Variants in UIMC1 observed in about 807,000 individuals in gnomAD.
UIMC1 encodes BRCA1-A complex subunit RAP80.
UIMC1 carries 42 observed loss-of-function variants against 84.9 expected under a neutral mutation model. The ratio of observed to expected loss-of-function variants is 0.49; its 90% confidence interval spans 0.39 to 0.64. The LOEUF is 0.64. Ranked by LOEUF, UIMC1 falls within the 30% of genes least tolerant of loss-of-function variation. The pLI, the probability that UIMC1 is intolerant of heterozygous loss-of-function variation, is 0.00. For missense variants in UIMC1, 825 were observed against 847.6 expected, an observed-to-expected ratio of 0.97 and a Z score of 0.33; for synonymous variants, 281 against 293.0, an observed-to-expected ratio of 0.96 and a Z score of 0.42.
chr5:176,944,630 G>A (rs552937652), intron 9 of UIMC1, among the ~76,000 whole-genome samples: 2 of 152,230 alleles, frequency 1.3e-5, no homozygotes, highest in East Asian at 3.9e-4. Flanking sequence ...AACAAAACAC[G>A]ACCAAAACTT....
chr5:176,976,170 A>AT (rs201886363), intron 2 of UIMC1, among the ~76,000 whole-genome samples: 1,629 of 151,924 alleles, frequency 0.011, 9 homozygotes, highest in South Asian at 0.025. Context: ...ATTAAAAAGA[A>AT]TTTTTTTTAA....
intron 10 of UIMC1, among the ~76,000 whole-genome samples, chr5:176,938,543 T>G (rs1371562004): frequency 6.6e-6 from 1 of 152,182 alleles, no homozygotes; most frequent in Non-Finnish European, 1.5e-5. Context: ...GTAGAATGGT[T>G]CCAGTGAGGG....
rs1554106263 is a variant in UIMC1 at position 176,914,039 on chromosome 5, C to CCAT, written c.1598-2651_1598-2650insATG. On this transcript the variant is annotated intron_variant, in intron 10 of 14. Transcript: ENST00000511320. ...ATACCATACACCATACCATACCATA[C>CCAT]ACCATACCATACCATACCATACCAT... is the stretch of plus-strand genomic sequence containing the variant. 9.4e-3 allele frequency among the ~76,000 whole-genome samples: 1,321 copies of CCAT among 139,950 alleles called. 9 individuals carry two copies. The highest frequency in any genetic ancestry group is 0.022 in the South Asian group (96 of 4,350). The allele number at this position is 139,950 out of a possible 152,430, so 91.8% of individuals were successfully genotyped here. A position where few individuals can be genotyped will look rare whatever the true frequency, so the allele number is the denominator to read the frequency against.
At chr5:176,950,362 T>C (rs1765709900) in intron 9 of UIMC1, among the ~76,000 whole-genome samples, 1 of 151,194 alleles carries the variant, frequency 6.6e-6, no homozygotes, top group African/African-American at 2.4e-5. Flanking sequence ...CCTCCCAAAG[T>C]GCTCGGATTA....
intron 2 of UIMC1, among the ~76,000 whole-genome samples, chr5:176,978,238 T>C (rs903243920): frequency 1.3e-4 from 20 of 152,054 alleles, no homozygotes; most frequent in Admixed American, 1.2e-3. Flanking sequence ...CCAGGCGTGG[T>C]GGCAGGCGCC....
intron 1 of UIMC1, among the ~76,000 whole-genome samples, chr5:176,992,625 T>C (rs995104756): frequency 6.6e-6 from 1 of 150,770 alleles, no homozygotes; most frequent in Non-Finnish European, 1.5e-5. Context: ...AGCAAGGCCT[T>C]GTCTCTATAA....
intron 12 of UIMC1, 99 bp downstream of exon 12, chr5:176,908,424 G>T (rs1194937325): frequency 8.3e-7 from 1 of 1,197,608 alleles, no homozygotes; most frequent in African/African-American, 1.5e-5. Flanking sequence ...AGAGGGAAGA[G>T]GGGAGGGAGA....
intron 7 of UIMC1, among the ~76,000 whole-genome samples, chr5:176,956,246 T>C (rs1344302966): frequency 2.6e-5 from 4 of 152,190 alleles, no homozygotes; most frequent in African/African-American, 9.7e-5. Flanking sequence ...TCAGTTCCAG[T>C]GAAATCACTG....
chr5:176,970,316 T>A, intron 4 of UIMC1: 1 of 192,624 alleles, frequency 5.2e-6, no homozygotes, highest in Non-Finnish European at 1.1e-5. Context: ...CATATTCAAA[T>A]GACAATTTAA....
chr5:176,942,735 G>C (rs1239605083), intron 10 of UIMC1, among the ~76,000 whole-genome samples: 8 of 126,094 alleles, frequency 6.3e-5, no homozygotes, highest in Non-Finnish European at 1.3e-4. Flanking sequence ...GACAGAGCGA[G>C]ACTCCGTCTT....
intron 1 of UIMC1, among the ~76,000 whole-genome samples, chr5:177,016,291 G>A (rs1188571361): frequency 2.6e-5 from 4 of 152,074 alleles, no homozygotes; most frequent in Non-Finnish European, 5.9e-5. Context: ...TTGAACCTGG[G>A]AGGCAGAGGT....
At chr5:176,995,134 TATTA>T (rs752166369) in intron 1 of UIMC1, among the ~76,000 whole-genome samples, 7 of 152,134 alleles carry the variant, frequency 4.6e-5, no homozygotes, top group Non-Finnish European at 7.3e-5. Flanking sequence ...ATTCCACTAC[TATTA>T]ATTACTCAGT....
chr5:176,938,515 T>C (rs555077192), intron 10 of UIMC1, among the ~76,000 whole-genome samples: 1 of 152,244 alleles, frequency 6.6e-6, no homozygotes, highest in Admixed American at 6.5e-5. Flanking sequence ...CCCAGGAAAG[T>C]AGAGGAACAT....
At position 176,929,742 on chromosome 5, in the gene UIMC1, A is replaced by AAC. The variant is rs200892793; in HGVS notation, c.1597+13591_1597+13592dup. On this transcript the variant is annotated intron_variant, in intron 10 of 14. Coordinates refer to ENST00000511320, the MANE Select transcript of UIMC1 (RefSeq NM_001199298.2). ...TGAAATTTTTGGTAATTAAAAGTAA[A>AAC]ACACACACACACAAAGTCCTTTTGC... Among the ~76,000 whole-genome samples, 7 of 151,862 alleles carry AAC rather than the reference A, an allele frequency of 4.6e-5. No individual in the cohort carries two copies. The East Asian group carries it at 5.8e-4, about 13-fold the overall frequency.
intron 10 of UIMC1, among the ~76,000 whole-genome samples, chr5:176,914,100 A>G (rs1419521221): frequency 1.3e-5 from 2 of 152,122 alleles, no homozygotes; most frequent in Non-Finnish European, 2.9e-5. Context: ...ACCATACCAT[A>G]CAATGTTACC....
intron 10 of UIMC1, among the ~76,000 whole-genome samples, chr5:176,934,574 G>C (rs1763498005): frequency 6.6e-6 from 1 of 152,192 alleles, no homozygotes; most frequent in African/African-American, 2.4e-5. Flanking sequence ...GTGACGTGAG[G>C]AGAAAGAAAT....
chr5:177,003,913 C>T (rs1774902854), intron 1 of UIMC1, among the ~76,000 whole-genome samples: 1 of 152,164 alleles, frequency 6.6e-6, no homozygotes, highest in Non-Finnish European at 1.5e-5. Flanking sequence ...ACTGCAGCCT[C>T]GACTTCCCAG....
rs547834898 is a variant in UIMC1 at position 176,912,465 on chromosome 5, C to G, written c.1598-1076G>C. 3.9e-4 allele frequency among the ~76,000 whole-genome samples: 47 copies of G among 121,526 alleles called. 1 individual carries two copies. The South Asian group carries it at 0.013, about 34-fold the overall frequency. 79.7% of individuals were successfully genotyped at this position (121,526 alleles called of 152,430 possible). A position where few individuals can be genotyped will look rare whatever the true frequency, so the allele number is the denominator to read the frequency against. The stretch of plus-strand genomic sequence containing the variant: ...CTGACAAGTAATGATACAGTCTTGA[C>G]TGTTTTTTGTTTTTTTTTTTTTTTG... On this transcript the variant is annotated intron_variant, in intron 10 of 14. Coordinates refer to ENST00000511320, the MANE Select transcript of UIMC1 (RefSeq NM_001199298.2).
At chr5:176,939,337 T>C (rs1292205296) in intron 10 of UIMC1, among the ~76,000 whole-genome samples, 6 of 151,010 alleles carry the variant, frequency 4.0e-5, no homozygotes, top group Admixed American at 4.0e-4. Context: ...TAATAGGTGA[T>C]AGAAAAGAAG....
Sources: gnomAD v4.1 joint callset for allele counts (sites outside exome capture counted in the v4.1 genomes callset) on GRCh38, gnomAD v4.1.1 for gene constraint, MANE v1.5 for transcripts, NCBI Gene and HGNC (gene_info 2026-07-23, HGNC 2026-07-21) for gene names.